VPS13B: variants seen among roughly 807,000 people sequenced by gnomAD.
VPS13B encodes the protein vacuolar protein sorting 13 homolog B, also known as intermembrane lipid transfer protein VPS13B.
A neutral mutation model predicts 426.4 loss-of-function variants in VPS13B; 285 were observed. That is an observed-to-expected ratio of 0.67 (90% CI 0.61 to 0.74). The LOEUF is 0.74. Ranked by LOEUF, VPS13B falls within the 30% of genes least tolerant of loss-of-function variation. The pLI is 0.00. For synonymous variants in VPS13B, 1,676 were observed against 1,676.4 expected (o/e 1.00, Z 0.01); for missense variants, 4,537 against 4,782.6 (o/e 0.95, Z 1.51).
At chr8:99,055,725 T>G (rs1843811703) in intron 3 of VPS13B, among the ~76,000 whole-genome samples, 1 of 151,898 alleles carries the variant, frequency 6.6e-6, no homozygotes, top group South Asian at 2.1e-4. Flanking sequence ...TTTGGTGAGT[T>G]GATCTTTTAT....
At chr8:99,271,757 G>C (rs531690898) in intron 17 of VPS13B, among the ~76,000 whole-genome samples, 1 of 152,288 alleles carries the variant, frequency 6.6e-6, no homozygotes, top group South Asian at 2.1e-4. Context: ...GAATGAGGAA[G>C]TGCCATGCTT....
At chr8:99,248,502 C>T (rs901370441) in intron 17 of VPS13B, among the ~76,000 whole-genome samples, 1 of 151,712 alleles carries the variant, frequency 6.6e-6, no homozygotes, top group African/African-American at 2.4e-5. Context: ...TTTAGGATAA[C>T]TGTGAAGTTG....
At chr8:99,492,872 A>C (rs1588434748) in intron 25 of VPS13B, among the ~76,000 whole-genome samples, 1 of 152,166 alleles carries the variant, frequency 6.6e-6, no homozygotes, top group African/African-American at 2.4e-5. Context: ...CATGGGCTGC[A>C]CCCACTCTCC....
intron 56 of VPS13B, among the ~76,000 whole-genome samples, chr8:99,855,202 T>G (rs1408871121): frequency 6.6e-6 from 1 of 151,956 alleles, no homozygotes; most frequent in Admixed American, 6.6e-5. Flanking sequence ...TGGTGAAACC[T>G]TGTCTCTATA....
chr8:99,412,581 G>T (rs1032412039), intron 21 of VPS13B, among the ~76,000 whole-genome samples: 1 of 152,086 alleles, frequency 6.6e-6, no homozygotes, highest in Non-Finnish European at 1.5e-5. Context: ...ATGCCTGATT[G>T]CCCTGGCCAA....
chr8:99,726,928 A>G (rs1483632437), intron 39 of VPS13B, among the ~76,000 whole-genome samples: 1 of 152,238 alleles, frequency 6.6e-6, no homozygotes, highest in Non-Finnish European at 1.5e-5. Flanking sequence ...GAGAGAACCT[A>G]AATGGTAGAG....
At chr8:99,253,997 A>C (rs80177532) in intron 17 of VPS13B, among the ~76,000 whole-genome samples, 1 of 152,192 alleles carries the variant, frequency 6.6e-6, no homozygotes, top group South Asian at 2.1e-4. Context: ...TATAGAATCT[A>C]TACTTGCTCT....
intron 16 of VPS13B, among the ~76,000 whole-genome samples, chr8:99,187,001 T>G (rs930179228): frequency 1.3e-5 from 2 of 152,174 alleles, no homozygotes; most frequent in East Asian, 1.9e-4. Context: ...AGTAAAGACC[T>G]GCTTGTAAAA....
chr8:99,177,818 A>G (rs1274947498), intron 16 of VPS13B, among the ~76,000 whole-genome samples: 1 of 152,250 alleles, frequency 6.6e-6, no homozygotes, highest in Non-Finnish European at 1.5e-5. Context: ...ATATTTCTAC[A>G]TGACCTATAT....
At chr8:99,103,654 C>A (rs1294925492) in intron 5 of VPS13B, among the ~76,000 whole-genome samples, 1 of 152,012 alleles carries the variant, frequency 6.6e-6, no homozygotes, top group East Asian at 1.9e-4. Context: ...CACCTGCCAC[C>A]ATGCCCGGCT....
At chr8:99,756,155 C>T (rs1325993059) in intron 39 of VPS13B, among the ~76,000 whole-genome samples, 1 of 151,942 alleles carries the variant, frequency 6.6e-6, no homozygotes, top group Non-Finnish European at 1.5e-5. Context: ...GAGATTGAAA[C>T]AATAATGTTT....
chr8:99,688,929 G>T (rs1831533708), intron 35 of VPS13B, among the ~76,000 whole-genome samples: 1 of 152,020 alleles, frequency 6.6e-6, no homozygotes, highest in Non-Finnish European at 1.5e-5. Context: ...CTATTGAGGG[G>T]CAATAAATGA....
At chr8:99,581,402 T>C (rs1588516059) in intron 33 of VPS13B, among the ~76,000 whole-genome samples, 1 of 152,278 alleles carries the variant, frequency 6.6e-6, no homozygotes, top group South Asian at 2.1e-4. Flanking sequence ...AATGACTGGA[T>C]GATGGATTAG....
At chr8:99,338,206 A>G (rs928945714) in intron 19 of VPS13B, among the ~76,000 whole-genome samples, 3 of 152,100 alleles carry the variant, frequency 2.0e-5, no homozygotes, top group Admixed American at 6.6e-5. Flanking sequence ...ATATTTTATT[A>G]TCAACTGGTC....
chr8:99,138,333 G>T (rs1194925114), intron 12 of VPS13B, among the ~76,000 whole-genome samples: 1 of 152,132 alleles, frequency 6.6e-6, no homozygotes, highest in African/African-American at 2.4e-5. Context: ...GGCCATGTTG[G>T]CCAGGCTGGA....
intron 6 of VPS13B, among the ~76,000 whole-genome samples, chr8:99,112,992 C>A (rs997963202): frequency 6.6e-6 from 1 of 151,974 alleles, no homozygotes; most frequent in Non-Finnish European, 1.5e-5. Context: ...GGTTTTATTT[C>A]TTTCTTCTTT....
chr8:99,781,178 C>T (rs1022261942), intron 42 of VPS13B, among the ~76,000 whole-genome samples: 11 of 152,152 alleles, frequency 7.2e-5, no homozygotes, highest in Non-Finnish European at 1.6e-4. Context: ...TCTGATTTCT[C>T]TGGCTATAGA....
intron 60 of VPS13B, chr8:99,871,194 G>C: frequency 1.6e-6 from 1 of 617,000 alleles, no homozygotes; most frequent in Non-Finnish European, 2.8e-6. Flanking sequence ...TCTAATTAGA[G>C]GTGCTATTTC....
At chr8:99,446,250 T>A (rs3134148) in intron 23 of VPS13B, among the ~76,000 whole-genome samples, 1 of 151,930 alleles carries the variant, frequency 6.6e-6, no homozygotes, top group Non-Finnish European at 1.5e-5. Context: ...TTTTTTGAAA[T>A]ATATTTTCTG....
Sources: allele counts gnomAD v4.1 joint callset (sites outside exome capture counted in the v4.1 genomes callset), GRCh38; gene constraint gnomAD v4.1.1; transcripts MANE v1.5; gene names NCBI Gene and HGNC (gene_info 2026-07-23, HGNC 2026-07-21).